The following SCHIP1 variants were observed in gnomAD, a reference collection of about 807,000 sequenced individuals.
SCHIP1 encodes schwannomin interacting protein 1.
Under a neutral mutation model 29.7 loss-of-function variants are expected in SCHIP1, and 8 were observed. The observed-to-expected ratio is 0.27, with a 90% CI of 0.16 to 0.49. SCHIP1 has a LOEUF of 0.49. Ranked by LOEUF, SCHIP1 falls within the 20% of genes least tolerant of loss-of-function variation. The pLI, the probability that SCHIP1 is intolerant of heterozygous loss-of-function variation, is 0.99. For synonymous variants in SCHIP1, 76 were observed against 94.9 expected, an observed-to-expected ratio of 0.80 and a Z score of 1.16; for missense variants, 193 against 294.6, an observed-to-expected ratio of 0.66 and a Z score of 2.52.
chr3:159,893,526 A>G (rs1717757770), intron 6 of SCHIP1: 1 of 152,198 alleles, frequency 6.6e-6, no homozygotes, highest in Admixed American at 6.5e-5. Context: ...AAAAAAATAT[A>G]TAAATTCTTG....
At chr3:159,847,922 A>G (rs1358717833) in intron 1 of SCHIP1, among the ~76,000 whole-genome samples, 1 of 152,222 alleles carries the variant, frequency 6.6e-6, no homozygotes, top group Non-Finnish European at 1.5e-5. Context: ...AAAAGAGGTT[A>G]TAAATCTAAT....
the SCHIP1 span, among the ~76,000 whole-genome samples, chr3:159,468,699 T>C: frequency 2.1e-5 from 3 of 146,306 alleles, no homozygotes; most frequent in African/African-American, 7.5e-5. Flanking sequence ...TGCCAATCAA[T>C]AGGGAAATCA....
At chr3:159,304,496 T>C in the SCHIP1 span, among the ~76,000 whole-genome samples, 2 of 152,208 alleles carry the variant, frequency 1.3e-5, no homozygotes, top group Non-Finnish European at 2.9e-5. Context: ...TTCAGGCTTA[T>C]ATTTTTCCCA....
At chr3:159,451,562 G>A in the SCHIP1 span, among the ~76,000 whole-genome samples, 1 of 152,106 alleles carries the variant, frequency 6.6e-6, no homozygotes, top group Non-Finnish European at 1.5e-5. Flanking sequence ...GGATTCATCT[G>A]AAAAAAATAA....
At chr3:159,567,490 G>A in the SCHIP1 span, among the ~76,000 whole-genome samples, 1 of 152,054 alleles carries the variant, frequency 6.6e-6, no homozygotes. Context: ...TCCCTGGAAT[G>A]ATGTGAGACA....
the SCHIP1 span, among the ~76,000 whole-genome samples, chr3:159,729,612 A>T: frequency 1.3e-5 from 2 of 152,220 alleles, no homozygotes; most frequent in African/African-American, 4.8e-5. Context: ...AATAAAATAC[A>T]TTAGAATAAA....
the SCHIP1 span, among the ~76,000 whole-genome samples, chr3:159,433,950 T>A: frequency 1.3e-5 from 2 of 152,214 alleles, no homozygotes; most frequent in African/African-American, 2.4e-5. Context: ...CTCCATGCTC[T>A]AGTAACACTT....
At chr3:159,669,084 C>T in the SCHIP1 span, among the ~76,000 whole-genome samples, 2 of 152,096 alleles carry the variant, frequency 1.3e-5, no homozygotes, top group Non-Finnish European at 2.9e-5. Flanking sequence ...AAGCCATGCC[C>T]GAACTCCAGC....
chr3:159,842,018 C>T (rs564853115), intron 1 of SCHIP1, among the ~76,000 whole-genome samples: 131 of 152,180 alleles, frequency 8.6e-4, no homozygotes, highest in Middle Eastern at 3.4e-3. Context: ...TTTTAGAACC[C>T]AGCTGGCACC....
At chr3:159,700,134 C>T in the SCHIP1 span, among the ~76,000 whole-genome samples, 1 of 152,196 alleles carries the variant, frequency 6.6e-6, no homozygotes, top group Admixed American at 6.5e-5. Context: ...TCACCAGACA[C>T]AATTGGCTCT....
chr3:159,564,601 C>T, the SCHIP1 span, among the ~76,000 whole-genome samples: 1 of 152,128 alleles, frequency 6.6e-6, no homozygotes. Context: ...GTCTCAAACT[C>T]CCAACCTCAG....
chr3:159,326,566 C>T, the SCHIP1 span, among the ~76,000 whole-genome samples: 1 of 152,076 alleles, frequency 6.6e-6, no homozygotes, highest in Non-Finnish European at 1.5e-5. Flanking sequence ...AGAATGCATG[C>T]TAATTATGAT....
chr3:159,588,816 T>C, the SCHIP1 span, among the ~76,000 whole-genome samples: 1 of 152,200 alleles, frequency 6.6e-6, no homozygotes, highest in Non-Finnish European at 1.5e-5. Context: ...TCTGTTCCAT[T>C]GGTCTATATC....
At chr3:159,680,705 T>TATAATATATG in the SCHIP1 span, among the ~76,000 whole-genome samples, 921 of 5,426 alleles carry the variant, frequency 0.17, 135 homozygotes, top group Middle Eastern at 0.21. Flanking sequence ...ATAATATATA[T>TATAATATATG]TATATATAAT....
At chr3:159,699,199 A>G in the SCHIP1 span, among the ~76,000 whole-genome samples, 1 of 152,230 alleles carries the variant, frequency 6.6e-6, no homozygotes, top group African/African-American at 2.4e-5. Flanking sequence ...ACCACATGTC[A>G]GTCATTGACT....
chr3:159,367,340 C>T, the SCHIP1 span, among the ~76,000 whole-genome samples: 1 of 151,104 alleles, frequency 6.6e-6, no homozygotes, highest in Non-Finnish European at 1.5e-5. Context: ...TGCCGTGAGC[C>T]GAGATCATGC....
At chr3:159,436,462 G>T in the SCHIP1 span, among the ~76,000 whole-genome samples, 2 of 152,276 alleles carry the variant, frequency 1.3e-5, no homozygotes, top group East Asian at 1.9e-4. Flanking sequence ...CATATAAAGT[G>T]ATCAATAATA....
At chr3:159,562,697 A>G in the SCHIP1 span, among the ~76,000 whole-genome samples, 6 of 152,232 alleles carry the variant, frequency 3.9e-5, no homozygotes, top group African/African-American at 1.2e-4. Flanking sequence ...GCCAACTCTC[A>G]GTGACTTCAC....
chr3:159,391,189 A>G, the SCHIP1 span, among the ~76,000 whole-genome samples: 1 of 152,168 alleles, frequency 6.6e-6, no homozygotes, highest in East Asian at 1.9e-4. Context: ...TCTACTGCCA[A>G]CAAAAAATCA....
Sources: allele counts gnomAD v4.1 joint callset (sites outside exome capture counted in the v4.1 genomes callset), GRCh38; gene constraint gnomAD v4.1.1; transcripts MANE v1.5; gene names NCBI Gene and HGNC (gene_info 2026-07-23, HGNC 2026-07-21).